The following LUZP2 variants were observed in gnomAD, a reference collection of about 807,000 sequenced individuals.
LUZP2 encodes the protein leucine zipper protein 2.
In LUZP2, 52 loss-of-function variants were observed where a neutral mutation model predicts 51.6. That is an observed-to-expected ratio of 1.01 (90% CI 0.81 to 1.27). LUZP2 has a LOEUF of 1.27. LUZP2 is among the 50% of genes most tolerant of loss of function. The pLI, the probability that LUZP2 is intolerant of heterozygous loss-of-function variation, is 0.00. For synonymous variants in LUZP2, 154 were observed against 137.3 expected (o/e 1.12, Z -0.85); for missense variants, 436 against 395.4 (o/e 1.10, Z -0.87).
intron 3 of LUZP2, 47 bp from the exon 4 acceptor site, chr11:24,738,174 G>A (rs1315197764): frequency 5.6e-6 from 7 of 1,257,004 alleles, no homozygotes; most frequent in Non-Finnish European, 8.0e-6. Flanking sequence ...AGGAAATAAT[G>A]GAATTATATT....
At chr11:24,586,770 A>G (rs1038361196) in intron 1 of LUZP2, among the ~76,000 whole-genome samples, 10 of 152,234 alleles carry the variant, frequency 6.6e-5, no homozygotes, top group Non-Finnish European at 1.3e-4. Context: ...TCACTAGGAA[A>G]CCCAATTCTG....
intron 5 of LUZP2, among the ~76,000 whole-genome samples, chr11:24,878,112 T>TG (rs1203904777): frequency 1.3e-5 from 2 of 149,092 alleles, no homozygotes; most frequent in African/African-American, 2.4e-5. Flanking sequence ...TTTTTTTTTT[T>TG]TTTTTGGTGA....
intron 5 of LUZP2, among the ~76,000 whole-genome samples, chr11:24,803,103 A>G (rs1849740610): frequency 6.6e-6 from 1 of 152,082 alleles, no homozygotes. Context: ...AGAATGGGGG[A>G]AAATATTTGC....
In LUZP2 at chr11:25,073,854, A is replaced by G. The variant is rs1463516026; in HGVS notation, c.859-3475A>G. Among the ~76,000 whole-genome samples the G allele has an allele frequency of 2.0e-5, 3 of 152,166 alleles. No homozygotes were observed. In the East Asian group the frequency reaches 5.8e-4, roughly 29 times the overall value. ...CAAAGGAGGAGAAAGAAAAAAAGGAACGATCACTATTTGTTAATCCATGCT... is the reference window on the plus strand; with the variant it reads ...CAAAGGAGGAGAAAGAAAAAAAGGAGCGATCACTATTTGTTAATCCATGCT... On this transcript the variant is annotated intron_variant, in intron 10 of 11. Transcript: ENST00000336930.
chr11:24,921,327 A>C (rs988989743), intron 7 of LUZP2, among the ~76,000 whole-genome samples: 1 of 152,138 alleles, frequency 6.6e-6, no homozygotes. Context: ...TGGTTTGACC[A>C]GGTGTGTCAT....
intron 5 of LUZP2, among the ~76,000 whole-genome samples, chr11:24,808,093 A>C (rs1849906667): frequency 6.6e-6 from 1 of 152,194 alleles, no homozygotes; most frequent in African/African-American, 2.4e-5. Context: ...AGAAATAAGA[A>C]CAATAATGTA....
chr11:24,599,691 G>GT (rs1186125093), intron 1 of LUZP2, among the ~76,000 whole-genome samples: 14 of 152,018 alleles, frequency 9.2e-5, no homozygotes, highest in African/African-American at 3.1e-4. Context: ...ATATTTCACA[G>GT]TTTTTTTCTG....
chr11:24,661,256 A>G (rs1251427486), intron 1 of LUZP2, among the ~76,000 whole-genome samples: 3 of 152,118 alleles, frequency 2.0e-5, no homozygotes, highest in Non-Finnish European at 4.4e-5. Context: ...AATACATTCA[A>G]TAATAAAATG....
intron 3 of LUZP2, among the ~76,000 whole-genome samples, chr11:24,736,689 T>G (rs1381938386): frequency 6.6e-6 from 1 of 152,044 alleles, no homozygotes; most frequent in Non-Finnish European, 1.5e-5. Context: ...TATATGTAGG[T>G]ATATATTATA....
chr11:24,692,686 G>A (rs753086696), intron 1 of LUZP2, among the ~76,000 whole-genome samples: 1 of 151,886 alleles, frequency 6.6e-6, no homozygotes, highest in Non-Finnish European at 1.5e-5. Flanking sequence ...CACATATTGT[G>A]CCATTTGGCT....
intron 1 of LUZP2, among the ~76,000 whole-genome samples, chr11:24,604,191 G>A (rs2133872787): frequency 6.6e-6 from 1 of 151,804 alleles, no homozygotes; most frequent in South Asian, 2.1e-4. Flanking sequence ...AGTGTAGTCT[G>A]CTTTTTTACT....
At chr11:25,027,210 T>C (rs1857517673) in intron 9 of LUZP2, among the ~76,000 whole-genome samples, 1 of 152,162 alleles carries the variant, frequency 6.6e-6, no homozygotes, top group Admixed American at 6.6e-5. Context: ...ATTTATGTTA[T>C]TTTGAAATAT....
At chr11:24,595,730 A>G (rs1853422601) in intron 1 of LUZP2, among the ~76,000 whole-genome samples, 1 of 152,296 alleles carries the variant, frequency 6.6e-6, no homozygotes, top group South Asian at 2.1e-4. Flanking sequence ...ATGATGCAGG[A>G]CTGTAAAACA....
intron 9 of LUZP2, among the ~76,000 whole-genome samples, chr11:25,040,757 T>C (rs976541324): frequency 6.6e-6 from 1 of 152,168 alleles, no homozygotes. Context: ...TCTTTGCCTT[T>C]AAAGAAGTTG....
intron 5 of LUZP2, among the ~76,000 whole-genome samples, chr11:24,838,640 C>T (rs76105361): frequency 0.039 from 5,933 of 151,586 alleles, 385 homozygotes; most frequent in African/African-American, 0.13. Flanking sequence ...TTTTATTTGG[C>T]CTTCAGATGT....
intron 9 of LUZP2, among the ~76,000 whole-genome samples, chr11:25,011,897 T>A (rs1019833885): frequency 6.6e-6 from 1 of 151,684 alleles, no homozygotes; most frequent in Non-Finnish European, 1.5e-5. Context: ...TAAAATTTAA[T>A]ATATATATTT....
intron 9 of LUZP2, among the ~76,000 whole-genome samples, chr11:25,003,975 C>T (rs1028737017): frequency 2.6e-5 from 4 of 152,268 alleles, no homozygotes; most frequent in South Asian, 2.1e-4. Flanking sequence ...CAGGATTCCT[C>T]GGATGGTAAC....
At chr11:24,735,378 A>G (rs2631431) in intron 3 of LUZP2, among the ~76,000 whole-genome samples, 70,778 of 151,630 alleles carry the variant, frequency 0.47, 18,521 homozygotes, top group African/African-American at 0.7. Context: ...GGAGAATAAG[A>G]AATAGGACAG....
chr11:24,809,963 T>C (rs1564922475), intron 5 of LUZP2, among the ~76,000 whole-genome samples: 1 of 152,196 alleles, frequency 6.6e-6, no homozygotes, highest in African/African-American at 2.4e-5. Context: ...CTTATCATAA[T>C]GCTGCAAAAG....
Sources: allele counts gnomAD v4.1 joint callset (sites outside exome capture counted in the v4.1 genomes callset), GRCh38; gene constraint gnomAD v4.1.1; transcripts MANE v1.5; gene names NCBI Gene and HGNC (gene_info 2026-07-23, HGNC 2026-07-21).